The following TMTC1 variants were observed in gnomAD, a reference collection of about 807,000 sequenced individuals.
The protein encoded by TMTC1 is protein O-mannosyl-transferase TMTC1.
TMTC1 carries 73 observed loss-of-function variants against 104.8 expected under a neutral mutation model. The ratio of observed to expected loss-of-function variants is 0.70; its 90% CI spans 0.58 to 0.85. The LOEUF (loss-of-function observed/expected upper bound fraction) is 0.85, where lower values mean the gene tolerates loss of function less well. TMTC1 is among the 40% of genes least tolerant of loss of function. The probability of loss-of-function intolerance (pLI) is 0.00; values close to 1 mark genes in which losing one functional copy is unlikely to be tolerated. For missense variants in TMTC1, 1,035 were observed against 1,096.1 expected, an observed-to-expected ratio of 0.94 and a Z score of 0.79; for synonymous variants, 434 against 428.7, an observed-to-expected ratio of 1.01 and a Z score of -0.15.
chr12:29,673,744 C>CTTTTTTTTTT (rs146463669), intron 5 of TMTC1, among the ~76,000 whole-genome samples: 5 of 95,734 alleles, frequency 5.2e-5, no homozygotes, highest in Non-Finnish European at 9.5e-5. Flanking sequence ...AGAGGGACTT[C>CTTTTTTTTTT]TTTTTTTTTT....
chr12:29,673,631 A>C (rs898501793), intron 5 of TMTC1, among the ~76,000 whole-genome samples: 3 of 150,250 alleles, frequency 2.0e-5, no homozygotes, highest in African/African-American at 7.3e-5. Context: ...ATATTTATTT[A>C]TATTTTACTT....
chr12:29,594,029 T>C (rs897407008), intron 7 of TMTC1, among the ~76,000 whole-genome samples: 1 of 152,238 alleles, frequency 6.6e-6, no homozygotes, highest in East Asian at 1.9e-4. Context: ...TCACCGGAAC[T>C]GTCCATATTC....
intron 7 of TMTC1, among the ~76,000 whole-genome samples, chr12:29,602,660 T>C (rs1191258503): frequency 1.3e-5 from 2 of 151,944 alleles, no homozygotes; most frequent in African/African-American, 2.4e-5. Flanking sequence ...AAGTGAAATA[T>C]AATAAAAATG....
intron 5 of TMTC1, among the ~76,000 whole-genome samples, chr12:29,683,894 A>C (rs1359566703): frequency 2.0e-5 from 3 of 150,694 alleles, no homozygotes; most frequent in African/African-American, 7.3e-5. Flanking sequence ...CTAGCCATGG[A>C]GTACAGTGGT....
chr12:29,643,630 A>ATATATAATATATATGTTATAT (rs1555180717), intron 5 of TMTC1, among the ~76,000 whole-genome samples: 4,489 of 26,730 alleles, frequency 0.17, 706 homozygotes, highest in Non-Finnish European at 0.21. Flanking sequence ...TCTATATATT[A>ATATATAATATATATGTTATAT]TATATATAAT....
chr12:29,767,333 C>T (rs1943489506), intron 2 of TMTC1, among the ~76,000 whole-genome samples: 1 of 152,160 alleles, frequency 6.6e-6, no homozygotes, highest in Non-Finnish European at 1.5e-5. Flanking sequence ...GTATGTAAGG[C>T]TCCTAAGTCT....
At chr12:29,731,539 T>G (rs1942546326) in intron 5 of TMTC1, among the ~76,000 whole-genome samples, 1 of 152,228 alleles carries the variant, frequency 6.6e-6, no homozygotes, top group East Asian at 1.9e-4. Context: ...AGGAACTGTC[T>G]GCTCCTTTTT....
chr12:29,653,912 A>G (rs1437035029), intron 5 of TMTC1, among the ~76,000 whole-genome samples: 1 of 152,240 alleles, frequency 6.6e-6, no homozygotes, highest in African/African-American at 2.4e-5. Context: ...TCAAAGCACA[A>G]TGTTTTAAAT....
chr12:29,705,304 G>A (rs1941710071), intron 5 of TMTC1, among the ~76,000 whole-genome samples: 1 of 152,220 alleles, frequency 6.6e-6, no homozygotes, highest in African/African-American at 2.4e-5. Flanking sequence ...ACTAGAATAT[G>A]CTACTCCAAA....
At chr12:29,761,664 C>A (rs1943352968) in intron 2 of TMTC1, among the ~76,000 whole-genome samples, 1 of 150,762 alleles carries the variant, frequency 6.6e-6, no homozygotes, top group Non-Finnish European at 1.5e-5. Context: ...AGAACAGGTA[C>A]CATAAGAGCT....
chr12:29,530,595 T>A (rs578229141), intron 11 of TMTC1, among the ~76,000 whole-genome samples: 41 of 152,312 alleles, frequency 2.7e-4, no homozygotes, highest in African/African-American at 9.4e-4. Context: ...TCACAGTTCC[T>A]CCTCTAATCT....
chr12:29,630,544 C>T (rs188681319), intron 6 of TMTC1, among the ~76,000 whole-genome samples: 244 of 152,268 alleles, frequency 1.6e-3, no homozygotes, highest in African/African-American at 5.3e-3. Flanking sequence ...ATATAGCATA[C>T]AGTCTTACAT....
intron 9 of TMTC1, chr12:29,569,112 G>A (rs778375223): frequency 4.5e-5 from 18 of 403,674 alleles, no homozygotes; most frequent in Non-Finnish European, 2.0e-5. Flanking sequence ...AACTGAATAC[G>A]TGACCTTAGA....
intron 5 of TMTC1, among the ~76,000 whole-genome samples, chr12:29,707,445 T>C (rs1941778252): frequency 6.6e-6 from 1 of 152,188 alleles, no homozygotes; most frequent in African/African-American, 2.4e-5. Context: ...CCCCCGCCTC[T>C]GCTCTTCAGC....
At chr12:29,574,084 A>G (rs1454067135) in intron 8 of TMTC1, among the ~76,000 whole-genome samples, 1 of 152,088 alleles carries the variant, frequency 6.6e-6, no homozygotes, top group East Asian at 1.9e-4. Flanking sequence ...ATAGGGAGGA[A>G]CAGAAGGATT....
At chr12:29,595,910 G>A (rs1374364396) in intron 7 of TMTC1, among the ~76,000 whole-genome samples, 1 of 152,164 alleles carries the variant, frequency 6.6e-6, no homozygotes, top group East Asian at 1.9e-4. Context: ...ACACTGTGGT[G>A]AGTAACATGG....
rs145973029 is a variant in TMTC1 at position 29,556,976 on chromosome 12, C to A, written c.1557G>T (p.Ala519=). 27 of 1,614,016 alleles carry A rather than the reference C, an allele frequency of 1.7e-5. No homozygotes were observed. The African/African-American group carries it at 2.5e-4, about 15-fold the overall frequency. ...TCGTCAGTGTTCCAAGGTTGTTGAG[C>A]GCACTTGCATGGCGTGGATACAACC... is the stretch of plus-strand genomic sequence containing the variant. The part of the protein sequence containing the change: ...ALKLYPRHAS[A]LNNLGTLTRD... The change falls in exon 10 of 18, where the codon GCG becomes GCT. Residue 519 remains alanine (A), a synonymous_variant. Coordinates refer to ENST00000539277, the MANE Select transcript of TMTC1 (RefSeq NM_001193451.2).
intron 5 of TMTC1, chr12:29,666,199 C>T (rs1940270713): frequency 7.0e-6 from 3 of 429,390 alleles, no homozygotes; most frequent in Admixed American, 2.8e-5. Context: ...ACATCTACCC[C>T]TTTTCTTTTC....
At chr12:29,758,428 G>T (rs1303762195) in intron 3 of TMTC1, among the ~76,000 whole-genome samples, 1 of 152,166 alleles carries the variant, frequency 6.6e-6, no homozygotes, top group Non-Finnish European at 1.5e-5. Flanking sequence ...TCACTTCTCA[G>T]TAAGAAACTA....
Sources: gnomAD v4.1 joint callset for allele counts (sites outside exome capture counted in the v4.1 genomes callset) on GRCh38, gnomAD v4.1.1 for gene constraint, MANE v1.5 for transcripts, NCBI Gene and HGNC (gene_info 2026-07-23, HGNC 2026-07-21) for gene names.